Variants in DRC8 observed in about 807,000 individuals in gnomAD.
DRC8 encodes the protein dynein regulatory complex protein 8.
the DRC8 span, among the ~76,000 whole-genome samples, chr1:245,039,779 G>A: frequency 5.5e-3 from 839 of 152,174 alleles, 11 homozygotes; most frequent in African/African-American, 0.019. Context: ...GTTTGGGTTT[G>A]CCAGATATTT....
chr1:245,063,760 C>G, the DRC8 span, among the ~76,000 whole-genome samples: 1 of 152,156 alleles, frequency 6.6e-6, no homozygotes, highest in African/African-American at 2.4e-5. Flanking sequence ...CTGACTCTGT[C>G]GCCCGGGCTG....
At chr1:245,015,006 A>G in the DRC8 span, among the ~76,000 whole-genome samples, 2 of 152,036 alleles carry the variant, frequency 1.3e-5, no homozygotes, top group Non-Finnish European at 2.9e-5. Context: ...AAAATTTCCT[A>G]TTTTCTACTA....
At chr1:245,104,144 G>A in the DRC8 span, among the ~76,000 whole-genome samples, 3 of 152,192 alleles carry the variant, frequency 2.0e-5, no homozygotes, top group African/African-American at 7.2e-5. Flanking sequence ...GGTTTTGCAA[G>A]ACACTGATCA....
chr1:244,981,771 C>T, the DRC8 span, among the ~76,000 whole-genome samples: 3 of 152,156 alleles, frequency 2.0e-5, no homozygotes, highest in Non-Finnish European at 4.4e-5. Context: ...CTAGGAACCC[C>T]ACGGGGTTAT....
the DRC8 span, among the ~76,000 whole-genome samples, chr1:245,011,742 T>A: frequency 2.6e-5 from 4 of 152,236 alleles, no homozygotes; most frequent in Non-Finnish European, 4.4e-5. Flanking sequence ...GACTCGATGA[T>A]CAAGTGACTT....
At chr1:245,063,457 T>C in the DRC8 span, among the ~76,000 whole-genome samples, 1 of 152,216 alleles carries the variant, frequency 6.6e-6, no homozygotes, top group African/African-American at 2.4e-5. Flanking sequence ...TTTTAGTGTA[T>C]AGTCTTTTTC....
chr1:244,974,463 G>A, the DRC8 span, among the ~76,000 whole-genome samples: 1 of 152,114 alleles, frequency 6.6e-6, no homozygotes, highest in African/African-American at 2.4e-5. Context: ...TGATAACATT[G>A]CTTGATAAAG....
At chr1:245,047,788 A>G in the DRC8 span, among the ~76,000 whole-genome samples, 1 of 152,162 alleles carries the variant, frequency 6.6e-6, no homozygotes, top group African/African-American at 2.4e-5. Flanking sequence ...CTTGGCCAAC[A>G]TGGTGAAACC....
the DRC8 span, among the ~76,000 whole-genome samples, chr1:245,034,429 T>C: frequency 0.37 from 55,833 of 151,190 alleles, 10,696 homozygotes; most frequent in African/African-American, 0.49. Context: ...GGCGAAACCC[T>C]GTCTCTAATA....
At chr1:245,047,502 G>C in the DRC8 span, among the ~76,000 whole-genome samples, 131 of 152,050 alleles carry the variant, frequency 8.6e-4, 1 homozygote, top group South Asian at 0.026. Flanking sequence ...AGGCGTGGTG[G>C]CGGGCGCCTG....
the DRC8 span, among the ~76,000 whole-genome samples, chr1:245,058,263 AAT>A: frequency 6.6e-6 from 1 of 151,966 alleles, no homozygotes; most frequent in South Asian, 2.1e-4. Flanking sequence ...TAATAATAAT[AAT>A]ATCTTTGCTA....
chr1:245,082,283 C>A, the DRC8 span: 2 of 819,270 alleles, frequency 2.4e-6, no homozygotes, highest in Non-Finnish European at 2.0e-6. Context: ...CCTAAGGTGG[C>A]CTCCCTCTAA....
At chr1:245,109,900 A>G in the DRC8 span, among the ~76,000 whole-genome samples, 1 of 152,230 alleles carries the variant, frequency 6.6e-6, no homozygotes, top group Admixed American at 6.5e-5. Context: ...ATGTGCTATC[A>G]GCTCTGTCTT....
the DRC8 span, among the ~76,000 whole-genome samples, chr1:245,072,885 G>GC: frequency 6.6e-6 from 1 of 152,010 alleles, no homozygotes; most frequent in Non-Finnish European, 1.5e-5. Context: ...CATGTGATGT[G>GC]CCTGTTGCCT....
the DRC8 span, chr1:244,970,458 C>G: frequency 6.6e-7 from 1 of 1,525,092 alleles, no homozygotes. Context: ...GGTAGGGGAG[C>G]CGGGGAGCCG....
chr1:245,071,776 C>T, the DRC8 span, among the ~76,000 whole-genome samples: 10,094 of 152,238 alleles, frequency 0.066, 381 homozygotes, highest in Non-Finnish European at 0.08. Flanking sequence ...GTTAGTCACA[C>T]GGTTGTTTGT....
chr1:245,080,461 T>C, the DRC8 span, among the ~76,000 whole-genome samples: 6 of 152,216 alleles, frequency 3.9e-5, no homozygotes, highest in Non-Finnish European at 7.3e-5. Flanking sequence ...ATTATGATGA[T>C]TTAAGATGTA....
chr1:245,121,865 G>T, the DRC8 span: 1 of 419,232 alleles, frequency 2.4e-6, no homozygotes, highest in Admixed American at 2.8e-5. Context: ...CTACTTTTTT[G>T]CTTTCTTAAT....
chr1:245,120,818 G>A, the DRC8 span, among the ~76,000 whole-genome samples: 29 of 152,212 alleles, frequency 1.9e-4, no homozygotes, highest in African/African-American at 7.0e-4. Context: ...CATGAATAAC[G>A]TGGAATAATG....
Sources: allele counts gnomAD v4.1 joint callset (sites outside exome capture counted in the v4.1 genomes callset), GRCh38; gene constraint gnomAD v4.1.1; transcripts MANE v1.5; gene names NCBI Gene and HGNC (gene_info 2026-07-23, HGNC 2026-07-21).